Variants in CLCN6 observed in about 807,000 individuals in gnomAD.
CLCN6 encodes Cl-/H+ antiporter 6, also known as H(+)/Cl(-) exchange transporter 6.
Under a neutral mutation model 109.8 loss-of-function variants are expected in CLCN6, and 70 were observed. That is an observed-to-expected ratio of 0.64 (90% CI 0.53 to 0.78). CLCN6 has a LOEUF of 0.78. Ranked by LOEUF, CLCN6 falls within the 30% of genes least tolerant of loss-of-function variation. CLCN6 has a pLI of 0.00. For missense variants in CLCN6, 984 were observed against 1,142.3 expected (o/e 0.86, Z 2.00); for synonymous variants, 444 against 447.8 (o/e 0.99, Z 0.11).
intron 8 of CLCN6, among the ~76,000 whole-genome samples, 171 bp from the exon 9 acceptor site, chr1:11,825,985 C>G (rs1644805878): frequency 6.6e-6 from 1 of 152,188 alleles, no homozygotes; most frequent in Admixed American, 6.5e-5. Flanking sequence ...GCACACTTAC[C>G]CAGGTGTGCT....
In CLCN6 at chr1:11,840,136, G is replaced by T. The variant is rs1177435263; in HGVS notation, c.2530-7G>T. 1 of 1,613,618 alleles carries T rather than the reference G, an allele frequency of 6.2e-7. No homozygotes were observed. The highest frequency in any genetic ancestry group is 2.2e-5 in the East Asian group (1 of 44,886). ...TGAAGGTGACTCAGGCCTTCTCTTT[G>T]CCCTAGATCGTGGGGATCATCACAC... is the stretch of plus-strand genomic sequence containing the variant. On this transcript the variant is annotated splice_polypyrimidine_tract_variant and splice_region_variant and intron_variant, in intron 22 of 22. Transcript: ENST00000346436.
At chr1:11,830,764 TACACACACACACTATATATACACACAC>T (rs1410928478) in intron 13 of CLCN6, among the ~76,000 whole-genome samples, 3 of 115,612 alleles carry the variant, frequency 2.6e-5, no homozygotes, top group Non-Finnish European at 5.4e-5. Context: ...TATATATATA[TACACACACACACTATATATACACACAC>T]ACACACACAC....
intron 1 of CLCN6, 118 bp from the exon 2 acceptor site, chr1:11,807,013 C>G: frequency 1.1e-6 from 1 of 885,014 alleles, no homozygotes; most frequent in Non-Finnish European, 1.8e-6. Context: ...AGGGCTGGTT[C>G]CTATTTGATA....
chr1:11,819,166 C>T (rs186583098), intron 4 of CLCN6, among the ~76,000 whole-genome samples: 1 of 152,164 alleles, frequency 6.6e-6, no homozygotes, highest in African/African-American at 2.4e-5. Context: ...TCCAGGGAAG[C>T]CAAAAGAGTA....
intron 2 of CLCN6, among the ~76,000 whole-genome samples, chr1:11,808,227 TTGTGTGTG>T (rs3073085): frequency 0.029 from 4,099 of 139,206 alleles, 157 homozygotes; most frequent in African/African-American, 0.093. Context: ...GTGTGTGTGT[TTGTGTGTG>T]TGTGTGTGTG....
Position 11,827,070 on chromosome 1 carries a change from G to A in CLCN6, c.708-19G>A, listed in dbSNP as rs369443859. Reference sequence around the variant, plus strand: ...CTGGGGGCTCTTTATTGGATAACCCGTCTCTCTCCTCTCCTCAGAGACAAG... The same window carrying A: ...CTGGGGGCTCTTTATTGGATAACCCATCTCTCTCCTCTCCTCAGAGACAAG... On this transcript the variant is annotated intron_variant, in intron 9 of 22. Coordinates refer to ENST00000346436, the MANE Select transcript of CLCN6 (RefSeq NM_001286.5). 22 of 1,612,204 alleles carry A rather than the reference G, an allele frequency of 1.4e-5. No individual in the cohort carries two copies. Among genetic ancestry groups the A allele is most frequent in the East Asian group, 8.9e-5 (4 of 44,818 alleles).
intron 2 of CLCN6, among the ~76,000 whole-genome samples, chr1:11,808,982 C>T (rs1372608502): frequency 6.6e-6 from 1 of 152,036 alleles, no homozygotes; most frequent in East Asian, 1.9e-4. Context: ...CTGCCCCAGC[C>T]TCCCGAGTAG....
At chr1:11,809,331 T>C (rs1184067184) in intron 2 of CLCN6, among the ~76,000 whole-genome samples, 1 of 152,192 alleles carries the variant, frequency 6.6e-6, no homozygotes, top group African/African-American at 2.4e-5. Flanking sequence ...TTCATCCTAC[T>C]TCTAGGAGCT....
chr1:11,824,367 A>G, intron 7 of CLCN6, 119 bp from the exon 8 acceptor site: 1 of 674,936 alleles, frequency 1.5e-6, no homozygotes, highest in East Asian at 2.9e-5. Context: ...TCTTTCTCTT[A>G]TAAAGTCTTA....
Position 11,840,525 on chromosome 1 carries a change from G to C in CLCN6, c.*302G>C, listed in dbSNP as rs1337194076. ...TCCACCAGAGCCAGAAGCAGAGGTA[G>C]AATCAGGCGGGCCCCGGGCTGCACT... On this transcript the variant is annotated 3_prime_UTR_variant, in exon 23 of 23. Coordinates refer to ENST00000346436, the MANE Select transcript of CLCN6 (RefSeq NM_001286.5). The C allele has an allele frequency of 2.0e-6, 1 of 491,066 alleles. No individual in the cohort carries two copies. Among genetic ancestry groups the C allele is most frequent in the Non-Finnish European group, 3.7e-6 (1 of 267,388 alleles). 30.4% of individuals were successfully genotyped at this position (491,066 alleles called of 1,614,324 possible). A position where few individuals can be genotyped will look rare whatever the true frequency, so the allele number is the denominator to read the frequency against.
chr1:11,835,822 A>G (rs1644936938), intron 17 of CLCN6, 145 bp from the exon 18 acceptor site: 4 of 622,024 alleles, frequency 6.4e-6, no homozygotes, highest in Non-Finnish European at 8.4e-6. Flanking sequence ...AAAGGAATGC[A>G]TCGGGTTTGA....
chr1:11,826,616 G>A (rs7545128), intron 9 of CLCN6, among the ~76,000 whole-genome samples: 2 of 152,154 alleles, frequency 1.3e-5, no homozygotes, highest in Admixed American at 6.5e-5. Flanking sequence ...CTGACCTGCC[G>A]GCCTCGTAAG....
Position 11,838,412 on chromosome 1 carries a change from C to T in CLCN6, c.2373C>T (p.Asp791=), listed in dbSNP as rs1254587644. The T allele has an allele frequency of 6.2e-7, 1 of 1,614,174 alleles. No homozygotes were observed. Among genetic ancestry groups the T allele is most frequent in the South Asian group, 1.1e-5 (1 of 91,086 alleles). The change falls in exon 21 of 23, where the codon GAC becomes GAT. Residue 791 remains aspartate (D), a synonymous_variant. Coordinates refer to ENST00000346436, the MANE Select transcript of CLCN6 (RefSeq NM_001286.5). The part of the protein sequence containing the change: ...YPRYPDIHDL[D]LTLLNPRMIV... Reference sequence around the variant, plus strand: ...GGTACCCCGACATCCACGACCTGGACCTGACGCTGCTCAACCCGCGCATGA... The same window carrying T: ...GGTACCCCGACATCCACGACCTGGATCTGACGCTGCTCAACCCGCGCATGA...
Position 11,837,168 on chromosome 1 carries a change from G to T in CLCN6, c.2138+12G>T. The stretch of plus-strand genomic sequence containing the variant: ...ATGCTGGAAAGGAGGTGAGAGCCTG[G>T]CGGGGCCCCCACTGCCCGCAGGGCT... On this transcript the variant is annotated intron_variant, in intron 19 of 22. Coordinates refer to ENST00000346436, the MANE Select transcript of CLCN6 (RefSeq NM_001286.5). 1 of 1,611,336 alleles carries T rather than the reference G, an allele frequency of 6.2e-7. No homozygotes were observed. The highest frequency in any genetic ancestry group is 8.5e-7 in the Non-Finnish European group (1 of 1,179,604).
intron 12 of CLCN6, among the ~76,000 whole-genome samples, chr1:11,828,908 G>A (rs1001991319): frequency 6.6e-5 from 10 of 152,236 alleles, no homozygotes; most frequent in African/African-American, 2.4e-4. Context: ...CGAGCAGCTT[G>A]CTCTCAGGAG....
intron 20 of CLCN6, 46 bp downstream of exon 20, chr1:11,837,545 G>A (rs1644966340): frequency 6.3e-7 from 1 of 1,588,976 alleles, no homozygotes. Flanking sequence ...ACCTGACGAA[G>A]CTCGAGGGGT....
intron 2 of CLCN6, 35 bp from the exon 3 acceptor site, chr1:11,815,811 A>T (rs189055829): frequency 6.4e-7 from 1 of 1,574,568 alleles, no homozygotes; most frequent in African/African-American, 1.3e-5. Flanking sequence ...TTCTCACCTG[A>T]CATGACCTTT....
At position 11,806,230 on chromosome 1, in the gene CLCN6, T is replaced by G; in HGVS notation, c.-33T>G. On this transcript the variant is annotated 5_prime_UTR_variant, in exon 1 of 23. Coordinates refer to ENST00000346436, the MANE Select transcript of CLCN6 (RefSeq NM_001286.5). ...CAGATCCTGGCTGGGAGGGGGTTGGTAGAGGGGTCCAGAGTGGCAGTAAAG... is the reference window on the plus strand; with the variant it reads ...CAGATCCTGGCTGGGAGGGGGTTGGGAGAGGGGTCCAGAGTGGCAGTAAAG... 7.1e-7 allele frequency: 1 copy of G among 1,411,312 alleles called. No homozygotes were observed. Among genetic ancestry groups the G allele is most frequent in the Non-Finnish European group, 9.3e-7 (1 of 1,078,906 alleles). 87.4% of individuals were successfully genotyped at this position (1,411,312 alleles called of 1,614,324 possible). A position where few individuals can be genotyped will look rare whatever the true frequency, so the allele number is the denominator to read the frequency against.
In CLCN6 at chr1:11,824,512, A is replaced by G. The variant is rs973083278; in HGVS notation, c.607A>G (p.Met203Val). 1 of 1,613,808 alleles carries G rather than the reference A, an allele frequency of 6.2e-7. No individual in the cohort carries two copies. Among genetic ancestry groups the G allele is most frequent in the Admixed American group, 1.7e-5 (1 of 59,996 alleles). Residue 203 changes from methionine (M) to valine (V), a missense_variant, in exon 8 of 23, where the codon ATG becomes GTG. Physicochemically the swap from Met to Val is conservative, Grantham distance 21. Transcript: ENST00000346436. ...GGLFVEKEGP[M>V]IHSGSVVGAG... Reference sequence around the variant, plus strand: ...GCTCTTCGTGGAGAAGGAAGGCCCCATGATCCACAGTGGTTCGGTGGTGGG... The same window carrying G: ...GCTCTTCGTGGAGAAGGAAGGCCCCGTGATCCACAGTGGTTCGGTGGTGGG...
Sources: gnomAD v4.1 joint callset for allele counts (sites outside exome capture counted in the v4.1 genomes callset) on GRCh38, gnomAD v4.1.1 for gene constraint, MANE v1.5 for transcripts, NCBI Gene and HGNC (gene_info 2026-07-23, HGNC 2026-07-21) for gene names.